The following FAF1 variants were observed in gnomAD, a reference collection of about 807,000 sequenced individuals.
The protein encoded by FAF1 is Fas associated factor 1.
In FAF1, 25 loss-of-function variants were observed where a neutral mutation model predicts 92.5. That is an observed-to-expected ratio of 0.27 (90% CI 0.20 to 0.38). The LOEUF is 0.38. FAF1 is among the 10% of genes least tolerant of loss of function. The pLI is 1.00. For synonymous variants in FAF1, 234 were observed against 273.2 expected (o/e 0.86, Z 1.42); for missense variants, 636 against 793.3 (o/e 0.80, Z 2.38).
rs75651163 is a variant in FAF1 at position 50,709,604 on chromosome 1, T to C, written c.552-3713A>G. ...ACAAAGAGGTGGAACTAATTGTCCC[T>C]GGTCATCAAGCTACAAAGAGGTAGA... On this transcript the variant is annotated intron_variant, in intron 6 of 18. Transcript: ENST00000396153. Among the ~76,000 whole-genome samples the C allele has an allele frequency of 4.4e-3, 666 of 152,290 alleles. 4 individuals carry two copies. The highest frequency in any genetic ancestry group is 0.016 in the African/African-American group (649 of 41,570).
At chr1:50,907,252 C>T (rs907578377) in intron 1 of FAF1, among the ~76,000 whole-genome samples, 1 of 152,172 alleles carries the variant, frequency 6.6e-6, no homozygotes, top group African/African-American at 2.4e-5. Context: ...GGTGTATAAA[C>T]TTTTTGATGT....
chr1:50,474,677 T>C (rs529342041), intron 18 of FAF1, among the ~76,000 whole-genome samples: 1 of 152,212 alleles, frequency 6.6e-6, no homozygotes, highest in East Asian at 1.9e-4. Context: ...TAAAGGAATC[T>C]ATTTCTACAC....
At chr1:50,569,266 T>C (rs1260367854) in intron 12 of FAF1, among the ~76,000 whole-genome samples, 1 of 152,124 alleles carries the variant, frequency 6.6e-6, no homozygotes, top group Non-Finnish European at 1.5e-5. Context: ...TTATAACTGT[T>C]TACCAGTTTC....
At chr1:50,621,963 C>T (rs1366303358) in intron 8 of FAF1, among the ~76,000 whole-genome samples, 2 of 151,904 alleles carry the variant, frequency 1.3e-5, no homozygotes, top group Non-Finnish European at 2.9e-5. Flanking sequence ...GTCGGAAGTT[C>T]GAGACCAGCC....
At chr1:50,591,185 G>A (rs1302205785) in intron 9 of FAF1, among the ~76,000 whole-genome samples, 1 of 152,072 alleles carries the variant, frequency 6.6e-6, no homozygotes, top group Non-Finnish European at 1.5e-5. Flanking sequence ...ATGATGACGT[G>A]TTTTTTTCCT....
chr1:50,556,338 T>C (rs936445009), intron 13 of FAF1, among the ~76,000 whole-genome samples: 1 of 151,630 alleles, frequency 6.6e-6, no homozygotes, highest in African/African-American at 2.4e-5. Flanking sequence ...CTAACTATGG[T>C]TATGCAGGGG....
intron 15 of FAF1, among the ~76,000 whole-genome samples, chr1:50,506,430 G>A (rs1647059169): frequency 6.6e-6 from 1 of 151,992 alleles, no homozygotes; most frequent in Admixed American, 6.6e-5. Flanking sequence ...CCTTGGCCTG[G>A]AATACTCTCC....
chr1:50,652,106 G>A (rs1269672421), intron 8 of FAF1, among the ~76,000 whole-genome samples: 1 of 152,144 alleles, frequency 6.6e-6, no homozygotes, highest in African/African-American at 2.4e-5. Context: ...CACTTCACAG[G>A]TTCTGGGACA....
At chr1:50,590,884 AG>A (rs1296006110) in intron 9 of FAF1, among the ~76,000 whole-genome samples, 2 of 152,058 alleles carry the variant, frequency 1.3e-5, no homozygotes, top group African/African-American at 4.8e-5. Context: ...CAGGAGGCTG[AG>A]GCAGGAGAAT....
intron 13 of FAF1, among the ~76,000 whole-genome samples, chr1:50,546,461 G>T (rs1189262691): frequency 6.6e-6 from 1 of 152,158 alleles, no homozygotes; most frequent in East Asian, 1.9e-4. Flanking sequence ...TGCCACCTGG[G>T]TTCAAGCGAT....
intron 7 of FAF1, among the ~76,000 whole-genome samples, chr1:50,659,789 T>A (rs534966277): frequency 5.3e-4 from 81 of 152,322 alleles, no homozygotes; most frequent in African/African-American, 1.9e-3. Flanking sequence ...ATTTTCTAAT[T>A]TGCATTCAAG....
intron 18 of FAF1, among the ~76,000 whole-genome samples, chr1:50,454,376 A>C (rs925508937): frequency 3.3e-5 from 5 of 152,154 alleles, no homozygotes; most frequent in African/African-American, 1.2e-4. Context: ...TTCAAGGCTC[A>C]GCTCAGATGC....
chr1:50,558,590 A>G (rs1649709592), intron 13 of FAF1, among the ~76,000 whole-genome samples: 3 of 152,236 alleles, frequency 2.0e-5, no homozygotes, highest in Admixed American at 2.0e-4. Context: ...ACACCAACAG[A>G]CTTATAAGAA....
intron 4 of FAF1, among the ~76,000 whole-genome samples, chr1:50,753,494 T>G (rs12561912): frequency 6.6e-6 from 1 of 152,050 alleles, no homozygotes; most frequent in Non-Finnish European, 1.5e-5. Context: ...CCATTTCTCT[T>G]GAGAACCTAT....
chr1:50,496,131 T>C (rs971172241), intron 15 of FAF1, among the ~76,000 whole-genome samples: 1 of 152,310 alleles, frequency 6.6e-6, no homozygotes, highest in Admixed American at 6.5e-5. Context: ...AAAAGACTAA[T>C]TCAAAATTCC....
At chr1:50,701,133 T>C (rs1569795243) in intron 7 of FAF1, among the ~76,000 whole-genome samples, 1 of 152,114 alleles carries the variant, frequency 6.6e-6, no homozygotes, top group Admixed American at 6.6e-5. Context: ...GAAGAAATTA[T>C]CTCTTTCATT....
chr1:50,514,049 A>C (rs973328500), intron 15 of FAF1, among the ~76,000 whole-genome samples: 3 of 152,230 alleles, frequency 2.0e-5, no homozygotes, highest in African/African-American at 7.2e-5. Context: ...AATCTGTTTC[A>C]ACTTGCTGAA....
At chr1:50,707,202 C>CA (rs397862445) in intron 6 of FAF1, among the ~76,000 whole-genome samples, 51,093 of 106,596 alleles carry the variant, frequency 0.48, 10,849 homozygotes, top group Middle Eastern at 0.62. Context: ...GACTCTGTGT[C>CA]AAAAAAAAAA....
chr1:50,678,228 A>G (rs930793911), intron 7 of FAF1, among the ~76,000 whole-genome samples: 3 of 152,190 alleles, frequency 2.0e-5, no homozygotes, highest in Non-Finnish European at 2.9e-5. Flanking sequence ...GTTTGAACTT[A>G]TGAAAGATTG....
Sources: allele counts gnomAD v4.1 joint callset (sites outside exome capture counted in the v4.1 genomes callset), GRCh38; gene constraint gnomAD v4.1.1; transcripts MANE v1.5; gene names NCBI Gene and HGNC (gene_info 2026-07-23, HGNC 2026-07-21).